Variants in TTC17 observed in about 807,000 individuals in gnomAD.
The protein encoded by TTC17 is tetratricopeptide repeat domain 17, also known as tetratricopeptide repeat protein 17.
TTC17 carries 58 observed loss-of-function variants against 143.8 expected under a neutral mutation model. The observed-to-expected ratio is 0.40, with a 90% CI of 0.33 to 0.50. The LOEUF is 0.50. Ranked by LOEUF, TTC17 falls within the 20% of genes least tolerant of loss-of-function variation. The pLI, the probability that TTC17 is intolerant of heterozygous loss-of-function variation, is 0.49. For synonymous variants in TTC17, 501 were observed against 497.8 expected, an observed-to-expected ratio of 1.01 and a Z score of -0.09; for missense variants, 1,273 against 1,392.5, an observed-to-expected ratio of 0.91 and a Z score of 1.37.
chr11:43,433,789 T>G (rs754775653), intron 16 of TTC17, among the ~76,000 whole-genome samples: 55 of 152,310 alleles, frequency 3.6e-4, no homozygotes, highest in Middle Eastern at 6.8e-3. Flanking sequence ...CTTAAATGTT[T>G]GTCGTTTGCT....
At position 43,484,103 on chromosome 11, in the gene TTC17, C is replaced by G. The variant is rs1948336195; in HGVS notation, c.3031-6136C>G. Among the ~76,000 whole-genome samples the G allele has an allele frequency of 1.3e-5, 2 of 152,144 alleles. 1 individual carries two copies. Among genetic ancestry groups the G allele is most frequent in the Admixed American group, 1.3e-4 (2 of 15,278 alleles). On this transcript the variant is annotated intron_variant, in intron 21 of 23. Coordinates refer to ENST00000039989, the MANE Select transcript of TTC17 (RefSeq NM_018259.6). ...GTTGCAGTGAGCCGAGATTGTGTCA[C>G]TGTACTCCAGCCTGGGCGAGAGAGC... is the stretch of plus-strand genomic sequence containing the variant.
chr11:43,478,105 C>T (rs1380098081), intron 21 of TTC17, among the ~76,000 whole-genome samples: 1 of 152,094 alleles, frequency 6.6e-6, no homozygotes, highest in Non-Finnish European at 1.5e-5. Flanking sequence ...AACAAAGGAG[C>T]ATGTTAAATG....
At chr11:43,396,342 A>G (rs1261320144) in intron 5 of TTC17, 2 of 156,434 alleles carry the variant, frequency 1.3e-5, no homozygotes, top group Non-Finnish European at 2.8e-5. Flanking sequence ...CAGGAATTTC[A>G]TGTTAGAGCT....
In TTC17 at chr11:43,470,473, G is replaced by A. The variant is rs1948071335; in HGVS notation, c.3030+19208G>A. On this transcript the variant is annotated intron_variant, in intron 21 of 23. Coordinates refer to ENST00000039989, the MANE Select transcript of TTC17 (RefSeq NM_018259.6). ...GACATGGCTTGGCTATAAGAACCGT[G>A]ACACTCAGAAGCTCAAAGCTGTGGC... Among the ~76,000 whole-genome samples the A allele has an allele frequency of 4.6e-5, 7 of 152,312 alleles. 1 individual carries two copies. In the South Asian group the frequency reaches 1.2e-3, roughly 27 times the overall value.
intron 3 of TTC17, among the ~76,000 whole-genome samples, chr11:43,390,109 C>T (rs1460815688): frequency 2.6e-5 from 4 of 151,838 alleles, no homozygotes; most frequent in Non-Finnish European, 5.9e-5. Context: ...GAGTTTGAGA[C>T]AAGGCTGGGC....
At chr11:43,382,199 T>G (rs534386559) in intron 2 of TTC17, among the ~76,000 whole-genome samples, 1 of 152,340 alleles carries the variant, frequency 6.6e-6, no homozygotes, top group South Asian at 2.1e-4. Flanking sequence ...CATTTAAGAA[T>G]GAGGGCAAAG....
chr11:43,359,132 C>A lies in TTC17; in HGVS notation c.159+19C>A. On this transcript the variant is annotated intron_variant, in intron 1 of 23. Coordinates refer to ENST00000039989, the MANE Select transcript of TTC17 (RefSeq NM_018259.6). ...GCAGCAGGTAGCGGCCGGGGCGTCC[C>A]TCTTCTCCCGTGCCCGCCCTCGCCC... The A allele has an allele frequency of 6.4e-7, 1 of 1,567,552 alleles. No individual in the cohort carries two copies. Among genetic ancestry groups the A allele is most frequent in the African/African-American group, 1.4e-5 (1 of 72,100 alleles).
At chr11:43,413,637 A>G (rs767505655) in intron 15 of TTC17, among the ~76,000 whole-genome samples, 45 of 152,182 alleles carry the variant, frequency 3.0e-4, no homozygotes, top group African/African-American at 1.0e-3. Flanking sequence ...AGGGCAACCT[A>G]ATTCCTTTAG....
At chr11:43,452,275 G>GTTCAA (rs1285015125) in intron 21 of TTC17, among the ~76,000 whole-genome samples, 1 of 152,136 alleles carries the variant, frequency 6.6e-6, no homozygotes. Flanking sequence ...CAAGGCAGGT[G>GTTCAA]GATCACTTGA....
intron 16 of TTC17, among the ~76,000 whole-genome samples, chr11:43,441,139 C>T (rs1947409414): frequency 8.2e-6 from 1 of 121,730 alleles, no homozygotes; most frequent in Admixed American, 7.4e-5. Flanking sequence ...GGTGTGGTGG[C>T]CTGCGCCTAT....
Position 43,430,790 on chromosome 11 carries a change from AATT to A in TTC17, c.2252-12523_2252-12521del, listed in dbSNP as rs1176145279. Among the ~76,000 whole-genome samples the A allele has an allele frequency of 6.0e-5, 9 of 149,070 alleles. No individual in the cohort carries two copies. In the East Asian group the frequency reaches 1.6e-3, roughly 26 times the overall value. The stretch of plus-strand genomic sequence containing the variant: ...AGATACATTGATAACTTCTTTTTTT[AATT>A]ATTATTATTATACTTGAAGTTCTGG... On this transcript the variant is annotated intron_variant, in intron 16 of 23. Transcript: ENST00000039989.
Position 43,444,088 on chromosome 11 carries a change from C to A in TTC17, c.2544C>A (p.Pro848=). 1.2e-6 allele frequency: 2 copies of A among 1,612,448 alleles called. No homozygotes were observed. The highest frequency in any genetic ancestry group is 2.2e-5 in the South Asian group (2 of 90,684). The change falls in exon 18 of 24, where the codon CCC becomes CCA. Residue 848 remains proline (P), a synonymous_variant. Coordinates refer to ENST00000039989, the MANE Select transcript of TTC17 (RefSeq NM_018259.6). The stretch of plus-strand genomic sequence containing the variant: ...TCCAGGTCAAACGTGTAAAGAAACC[C>A]AAAGGAGATCATAAGAAAACTCCTG... ...ITFQVKRVKK[P]KGDHKKTPGK... is the part of the protein sequence containing the mutation.
chr11:43,381,074 A>G (rs969585861), intron 2 of TTC17, among the ~76,000 whole-genome samples: 2 of 152,176 alleles, frequency 1.3e-5, no homozygotes, highest in African/African-American at 2.4e-5. Flanking sequence ...TGGAGGATAT[A>G]TAGGAAGAAA....
chr11:43,389,612 A>G (rs1857301351), intron 2 of TTC17, 40 bp from the exon 3 acceptor site: 1 of 1,550,454 alleles, frequency 6.4e-7, no homozygotes, highest in South Asian at 1.3e-5. Flanking sequence ...AGACTAAAAT[A>G]TTAGAAGAAT....
chr11:43,413,950 G>A (rs75657632), intron 15 of TTC17, among the ~76,000 whole-genome samples: 4,707 of 152,208 alleles, frequency 0.031, 279 homozygotes, highest in African/African-American at 0.11. Context: ...TATACTCAAA[G>A]AAAATGAGGA....
intron 13 of TTC17, 34 bp downstream of exon 13, chr11:43,405,985 C>T: frequency 2.5e-6 from 4 of 1,599,182 alleles, no homozygotes; most frequent in Non-Finnish European, 3.4e-6. Context: ...TTATTGCCGT[C>T]CATTCTGGGT....
At chr11:43,461,122 C>T (rs1223277681) in intron 21 of TTC17, among the ~76,000 whole-genome samples, 13 of 152,158 alleles carry the variant, frequency 8.5e-5, no homozygotes, top group Admixed American at 7.9e-4. Flanking sequence ...CGGTGGCTCA[C>T]GCCTGTAATC....
intron 16 of TTC17, among the ~76,000 whole-genome samples, chr11:43,415,650 A>G (rs2095282079): frequency 6.6e-6 from 1 of 152,194 alleles, no homozygotes. Flanking sequence ...TGACTTGTGT[A>G]AAAGACATGA....
intron 16 of TTC17, among the ~76,000 whole-genome samples, chr11:43,429,281 C>T (rs943621700): frequency 7.9e-5 from 12 of 152,120 alleles, no homozygotes; most frequent in Non-Finnish European, 1.3e-4. Flanking sequence ...TTGATTTGCC[C>T]AAGTTTGTAC....
Sources: gnomAD v4.1 joint callset for allele counts (sites outside exome capture counted in the v4.1 genomes callset) on GRCh38, gnomAD v4.1.1 for gene constraint, MANE v1.5 for transcripts, NCBI Gene and HGNC (gene_info 2026-07-23, HGNC 2026-07-21) for gene names.